The following MRPS5 variants were observed in gnomAD, a reference collection of about 807,000 sequenced individuals.
MRPS5 encodes the protein small ribosomal subunit protein uS5m.
In MRPS5, 27 loss-of-function variants were observed where a neutral mutation model predicts 51.9. The observed-to-expected ratio is 0.52, with a 90% CI of 0.38 to 0.72. The LOEUF is 0.72. Among genes scored for constraint, MRPS5 ranks in the 30% least tolerant of loss-of-function variants. The pLI is 0.00. For missense variants in MRPS5, 570 were observed against 545.7 expected, an observed-to-expected ratio of 1.04 and a Z score of -0.44; for synonymous variants, 196 against 193.2, an observed-to-expected ratio of 1.01 and a Z score of -0.12.
chr2:95,089,900 G>A (rs533111835), intron 11 of MRPS5, among the ~76,000 whole-genome samples: 298 of 152,244 alleles, frequency 2.0e-3, no homozygotes, highest in Non-Finnish European at 3.2e-3. Context: ...TTTTCAGGCC[G>A]GGCGCGGTGG....
chr2:95,112,301 G>A lies in MRPS5; in HGVS notation c.278-2260C>T, dbSNP rs1205234808. On this transcript the variant is annotated intron_variant, in intron 3 of 11. Coordinates refer to ENST00000272418, the MANE Select transcript of MRPS5 (RefSeq NM_031902.5). Reference sequence around the variant, plus strand: ...ACTGGTCTCCAACTCCTGACCCCAGGTGACCCGCCCACCTCAGCCTCCCAA... The same window carrying A: ...ACTGGTCTCCAACTCCTGACCCCAGATGACCCGCCCACCTCAGCCTCCCAA... Among the ~76,000 whole-genome samples, 6 of 152,060 alleles carry A rather than the reference G, an allele frequency of 3.9e-5. No individual in the cohort carries two copies. The East Asian group carries it at 1.2e-3, about 29-fold the overall frequency.
chr2:95,090,591 T>A, intron 10 of MRPS5, 69 bp from the exon 11 acceptor site: 1 of 1,589,212 alleles, frequency 6.3e-7, no homozygotes, highest in Admixed American at 1.7e-5. Flanking sequence ...CCTGCTGGCT[T>A]TCGCATGGCT....
chr2:95,085,647 A>G lies in MRPS5; in HGVS notation c.*1710T>C, dbSNP rs917189997. Among the ~76,000 whole-genome samples the G allele has an allele frequency of 2.0e-5, 3 of 152,186 alleles. No homozygotes were observed. The highest frequency in any genetic ancestry group is 4.4e-5 in the Non-Finnish European group (3 of 68,036). ...CTACTTCCAGCAGAAAGGCCTCAGC[A>G]GAGGTCCCGAGGACAGCGACAGGAG... On this transcript the variant is annotated 3_prime_UTR_variant, in exon 12 of 12. Coordinates refer to ENST00000272418, the MANE Select transcript of MRPS5 (RefSeq NM_031902.5).
At chr2:95,089,524 C>T (rs1675396463) in intron 11 of MRPS5, among the ~76,000 whole-genome samples, 1 of 152,200 alleles carries the variant, frequency 6.6e-6, no homozygotes, top group Admixed American at 6.5e-5. Flanking sequence ...CCGGTGCAGT[C>T]ACAGCCCTGC....
chr2:95,109,547 T>C (rs1285046782), intron 4 of MRPS5, among the ~76,000 whole-genome samples: 2 of 152,254 alleles, frequency 1.3e-5, no homozygotes, highest in Non-Finnish European at 2.9e-5. Flanking sequence ...AGTTGAGCAG[T>C]TGCAAAACAG....
At chr2:95,100,779 C>T in intron 9 of MRPS5, 58 bp downstream of exon 9, 1 of 1,309,320 alleles carries the variant, frequency 7.6e-7, no homozygotes, top group Non-Finnish European at 1.1e-6. Context: ...CATTGTCACA[C>T]AGACTTTAAC....
In MRPS5 at chr2:95,090,531, G is replaced by C; in HGVS notation, c.932-9C>G. On this transcript the variant is annotated splice_polypyrimidine_tract_variant and intron_variant, in intron 10 of 11. Coordinates refer to ENST00000272418, the MANE Select transcript of MRPS5 (RefSeq NM_031902.5). ...GCAGCGGAGGCCGTAACCTAGAAAAGGAGAAACCGGGTGAAACACAGCCCA... is the reference window on the plus strand; with the variant it reads ...GCAGCGGAGGCCGTAACCTAGAAAACGAGAAACCGGGTGAAACACAGCCCA... 6.2e-7 allele frequency: 1 copy of C among 1,613,904 alleles called. No individual in the cohort carries two copies. Among genetic ancestry groups the C allele is most frequent in the Non-Finnish European group, 8.5e-7 (1 of 1,179,872 alleles).
intron 10 of MRPS5, among the ~76,000 whole-genome samples, chr2:95,094,916 A>G (rs1008920818): frequency 1.3e-5 from 2 of 152,254 alleles, no homozygotes; most frequent in African/African-American, 4.8e-5. Context: ...AAATGCCCCA[A>G]TTAAAAGACA....
At chr2:95,090,847 A>G (rs1675443958) in intron 10 of MRPS5, 1 of 263,434 alleles carries the variant, frequency 3.8e-6, no homozygotes, top group South Asian at 5.2e-5. Context: ...CTAAGGATGG[A>G]GGGACACGTC....
intron 2 of MRPS5, among the ~76,000 whole-genome samples, chr2:95,115,952 G>A (rs1676274569): frequency 6.7e-6 from 1 of 148,242 alleles, no homozygotes; most frequent in Non-Finnish European, 1.5e-5. Flanking sequence ...TGTCACCCAA[G>A]CTGGATTGCA....
chr2:95,102,395 G>C (rs1404358402), intron 7 of MRPS5, among the ~76,000 whole-genome samples: 1 of 152,216 alleles, frequency 6.6e-6, no homozygotes, highest in Non-Finnish European at 1.5e-5. Context: ...CAGGTGCAGT[G>C]GCTCACGCCT....
chr2:95,114,121 A>C (rs1187924893), intron 3 of MRPS5, among the ~76,000 whole-genome samples: 1 of 132,678 alleles, frequency 7.5e-6, no homozygotes, highest in African/African-American at 2.8e-5. Context: ...TCCATCTCCC[A>C]AAAAAAAAAA....
intron 3 of MRPS5, among the ~76,000 whole-genome samples, chr2:95,110,501 T>C (rs1386124205): frequency 5.3e-5 from 8 of 152,214 alleles, no homozygotes; most frequent in African/African-American, 1.9e-4. Flanking sequence ...ACACAATCTA[T>C]GGTTATAAAA....
chr2:95,106,652 G>C (rs1278302915), intron 5 of MRPS5, 195 bp from the exon 6 acceptor site: 1 of 604,432 alleles, frequency 1.7e-6, no homozygotes, highest in Non-Finnish European at 3.0e-6. Flanking sequence ...CATAAACTCA[G>C]TCACTGATCT....
intron 5 of MRPS5, among the ~76,000 whole-genome samples, chr2:95,106,848 C>T (rs1675965699): frequency 6.6e-6 from 1 of 152,144 alleles, no homozygotes; most frequent in African/African-American, 2.4e-5. Flanking sequence ...GCTCTCTCCA[C>T]CATACTAGCC....
rs1675811774 is a variant in MRPS5 at position 95,101,784 on chromosome 2, C to T, written c.764-61G>A. On this transcript the variant is annotated intron_variant, in intron 7 of 11. Coordinates refer to ENST00000272418, the MANE Select transcript of MRPS5 (RefSeq NM_031902.5). ...GAAATTTTGCCCATGTGGTTTTTGC[C>T]ACATTTCAAGTTTCTGCTCCTACAA... is the stretch of plus-strand genomic sequence containing the variant. 2.5e-6 allele frequency: 3 copies of T among 1,219,100 alleles called. No individual in the cohort carries two copies. The East Asian group carries it at 7.4e-5, about 30-fold the overall frequency. 75.5% of individuals were successfully genotyped at this position (1,219,100 alleles called of 1,614,324 possible).
intron 3 of MRPS5, among the ~76,000 whole-genome samples, chr2:95,110,343 T>C (rs962221463): frequency 6.6e-6 from 1 of 152,250 alleles, no homozygotes; most frequent in Non-Finnish European, 1.5e-5. Context: ...TTCGTTTCCC[T>C]GACATTTTAT....
chr2:95,090,639 G>T, intron 10 of MRPS5, 117 bp from the exon 11 acceptor site: 3 of 1,141,448 alleles, frequency 2.6e-6, no homozygotes, highest in Non-Finnish European at 3.8e-6. Context: ...TCATATTCTG[G>T]TATCACCACT....
In MRPS5 at chr2:95,110,061, CTT is replaced by C; in HGVS notation, c.278-22_278-21del. 1 of 1,600,692 alleles carries C rather than the reference CTT, an allele frequency of 6.2e-7. No homozygotes were observed. Among genetic ancestry groups the C allele is most frequent in the Non-Finnish European group, 8.5e-7 (1 of 1,176,824 alleles). On this transcript the variant is annotated intron_variant, in intron 3 of 11. Transcript: ENST00000272418. ...CAGTCACTGTAACGAAACAGGGTTTCTTTTCTTAATTCTGTAGTTTTCAAGCA... is the reference window on the plus strand; with the variant it reads ...CAGTCACTGTAACGAAACAGGGTTTCTTCTTAATTCTGTAGTTTTCAAGCA...
Sources: allele counts gnomAD v4.1 joint callset (sites outside exome capture counted in the v4.1 genomes callset), GRCh38; gene constraint gnomAD v4.1.1; transcripts MANE v1.5; gene names NCBI Gene and HGNC (gene_info 2026-07-23, HGNC 2026-07-21).